The following FAM184A variants were observed in gnomAD, a reference collection of about 807,000 sequenced individuals.
FAM184A encodes the protein protein FAM184A.
FAM184A carries 99 observed loss-of-function variants against 143.8 expected under a neutral mutation model. That is an observed-to-expected ratio of 0.69 (90% CI 0.58 to 0.81). The LOEUF (loss-of-function observed/expected upper bound fraction) is 0.81, where lower values mean the gene tolerates loss of function less well. Ranked by LOEUF, FAM184A falls within the 40% of genes least tolerant of loss-of-function variation. The probability of loss-of-function intolerance (pLI) is 0.00; values close to 1 mark genes in which losing one functional copy is unlikely to be tolerated. For synonymous variants in FAM184A, 427 were observed against 446.4 expected (o/e 0.96, Z 0.55); for missense variants, 1,217 against 1,310.5 (o/e 0.93, Z 1.10).
chr6:119,070,219 T>C (rs542997288), intron 1 of FAM184A, among the ~76,000 whole-genome samples: 1 of 152,278 alleles, frequency 6.6e-6, no homozygotes, highest in African/African-American at 2.4e-5. Context: ...TTCACTACTT[T>C]TTATACATTC....
At position 118,979,433 on chromosome 6, in the gene FAM184A, C is replaced by T. The variant is rs762737266; in HGVS notation, c.2387G>A (p.Arg796Gln). The T allele has an allele frequency of 2.2e-5, 36 of 1,613,844 alleles. 1 individual carries two copies. The highest frequency in any genetic ancestry group is 1.2e-4 in the Admixed American group (7 of 60,006). The change falls in exon 11 of 18, where the codon CGG (arginine) becomes CAG (glutamine). Residue 796 changes from arginine (R) to glutamine (Q), a missense_variant. By Grantham distance (43) the Arg-to-Gln change is conservative (BLOSUM62 1). Coordinates refer to ENST00000338891, the MANE Select transcript of FAM184A (RefSeq NM_024581.6). ...CTGAAGTTCCTGTTCCATTTCTATC[C>T]GGAAGCCCTCCATTGACTCTCTGTG... ...DAHRESMEGFRIEMEQELQTL... is the reference protein window; with the variant it reads ...DAHRESMEGFQIEMEQELQTL...
At chr6:119,007,460 G>C (rs190153343) in intron 6 of FAM184A, among the ~76,000 whole-genome samples, 77 of 151,922 alleles carry the variant, frequency 5.1e-4, no homozygotes, top group African/African-American at 1.7e-3. Context: ...CTCTATGCAG[G>C]TATATGCTCT....
At chr6:119,030,939 G>A (rs1252519737) in intron 1 of FAM184A, among the ~76,000 whole-genome samples, 2 of 150,892 alleles carry the variant, frequency 1.3e-5, no homozygotes, top group African/African-American at 2.5e-5. Flanking sequence ...TCATAGTTCC[G>A]TTTTATGCCA....
intron 14 of FAM184A, among the ~76,000 whole-genome samples, chr6:118,970,031 T>G (rs1253601552): frequency 5.5e-5 from 6 of 109,554 alleles, no homozygotes; most frequent in African/African-American, 3.4e-5. Flanking sequence ...TGAGATGGAG[T>G]TTTGTTCTGT....
chr6:119,043,961 G>A (rs989641425), intron 1 of FAM184A, among the ~76,000 whole-genome samples: 1 of 152,100 alleles, frequency 6.6e-6, no homozygotes, highest in Non-Finnish European at 1.5e-5. Flanking sequence ...AGAAAAGGAA[G>A]AGTAAATGAA....
chr6:119,110,583 A>T (rs931761851), intron 1 of FAM184A, among the ~76,000 whole-genome samples: 1 of 152,176 alleles, frequency 6.6e-6, no homozygotes, highest in Non-Finnish European at 1.5e-5. Flanking sequence ...TATCCCATGG[A>T]CAAGCCAGAG....
At chr6:119,108,545 T>G (rs1341424756) in intron 1 of FAM184A, among the ~76,000 whole-genome samples, 3 of 152,186 alleles carry the variant, frequency 2.0e-5, no homozygotes, top group African/African-American at 4.8e-5. Context: ...TAAAAACTTT[T>G]TCTTGACTTT....
At chr6:119,015,769 G>C (rs1259873893) in intron 5 of FAM184A, among the ~76,000 whole-genome samples, 1 of 152,254 alleles carries the variant, frequency 6.6e-6, no homozygotes, top group Non-Finnish European at 1.5e-5. Flanking sequence ...GGATCCACTA[G>C]GTGAAGCCAG....
chr6:119,109,106 C>G (rs1788864736), intron 1 of FAM184A, among the ~76,000 whole-genome samples: 1 of 119,760 alleles, frequency 8.4e-6, no homozygotes, highest in Non-Finnish European at 1.7e-5. Flanking sequence ...GAAACCCTTT[C>G]CCAACTATTC....
intron 1 of FAM184A, among the ~76,000 whole-genome samples, chr6:119,095,966 T>A (rs918639059): frequency 6.6e-6 from 1 of 152,232 alleles, no homozygotes; most frequent in African/African-American, 2.4e-5. Flanking sequence ...TGGGTTCCTC[T>A]TTCACAGTGG....
chr6:119,109,547 TGTATACAGA>T (rs1263362452), intron 1 of FAM184A, among the ~76,000 whole-genome samples: 1 of 152,240 alleles, frequency 6.6e-6, no homozygotes, highest in Non-Finnish European at 1.5e-5. Flanking sequence ...ACTTTAGCTA[TGTATACAGA>T]GCACCAAATG....
intron 11 of FAM184A, among the ~76,000 whole-genome samples, chr6:118,976,413 A>G (rs1393543628): frequency 6.6e-6 from 1 of 152,154 alleles, no homozygotes; most frequent in Non-Finnish European, 1.5e-5. Flanking sequence ...CTATAATCCC[A>G]GCACTTTGGG....
At chr6:119,143,849 C>A (rs1437561470) in intron 1 of FAM184A, among the ~76,000 whole-genome samples, 1 of 152,122 alleles carries the variant, frequency 6.6e-6, no homozygotes, top group Non-Finnish European at 1.5e-5. Context: ...GGTTTGACAA[C>A]AATGCCAGTG....
intron 9 of FAM184A, among the ~76,000 whole-genome samples, chr6:118,999,297 T>C (rs1321076958): frequency 1.3e-5 from 2 of 152,212 alleles, no homozygotes; most frequent in Admixed American, 6.5e-5. Context: ...CTTACTTCAA[T>C]ATAAAAGTCA....
At chr6:119,074,654 A>G (rs561611929) in intron 1 of FAM184A, among the ~76,000 whole-genome samples, 1 of 152,350 alleles carries the variant, frequency 6.6e-6, no homozygotes, top group African/African-American at 2.4e-5. Context: ...TTTCAACCTG[A>G]TATCCTGAAA....
At chr6:119,122,892 T>G (rs1789260127) in intron 1 of FAM184A, among the ~76,000 whole-genome samples, 1 of 106,124 alleles carries the variant, frequency 9.4e-6, no homozygotes, top group Non-Finnish European at 1.7e-5. Flanking sequence ...GCCACTGTAC[T>G]CCAGCCTGAG....
chr6:119,040,545 C>G (rs1786289188), intron 1 of FAM184A, among the ~76,000 whole-genome samples: 1 of 152,168 alleles, frequency 6.6e-6, no homozygotes, highest in African/African-American at 2.4e-5. Flanking sequence ...ATATCTAAGG[C>G]ATTATATGGC....
upstream of FAM184A, among the ~76,000 whole-genome samples, chr6:119,082,713 T>A (rs1202322849): frequency 4.6e-5 from 7 of 152,216 alleles, no homozygotes; most frequent in Admixed American, 2.0e-4. Flanking sequence ...CAGCTCTGCT[T>A]CTGTGGCTCT....
At chr6:119,056,673 A>G (rs1211188899) in intron 1 of FAM184A, among the ~76,000 whole-genome samples, 2 of 152,210 alleles carry the variant, frequency 1.3e-5, no homozygotes, top group East Asian at 1.9e-4. Flanking sequence ...GATGTTCACA[A>G]CATGCCAAGC....
Sources: allele counts gnomAD v4.1 joint callset (sites outside exome capture counted in the v4.1 genomes callset), GRCh38; gene constraint gnomAD v4.1.1; transcripts MANE v1.5; gene names NCBI Gene and HGNC (gene_info 2026-07-23, HGNC 2026-07-21).